TRPM8: variants seen among roughly 807,000 people sequenced by gnomAD.
TRPM8 encodes TRPM8 cationic channel.
In TRPM8, 110 loss-of-function variants were observed where a neutral mutation model predicts 133.7. The ratio of observed to expected loss-of-function variants is 0.82; its 90% CI spans 0.70 to 0.96. The LOEUF (loss-of-function observed/expected upper bound fraction) is 0.96, where lower values mean the gene tolerates loss of function less well. Among genes scored for constraint, TRPM8 ranks in the 40% least tolerant of loss-of-function variants. The probability of loss-of-function intolerance (pLI) is 0.00; values close to 1 mark genes in which losing one functional copy is unlikely to be tolerated. For missense variants in TRPM8, 1,291 were observed against 1,379.5 expected, an observed-to-expected ratio of 0.94 and a Z score of 1.02; for synonymous variants, 535 against 532.3, an observed-to-expected ratio of 1.01 and a Z score of -0.07.
At chr2:233,920,893 G>A (rs566757682) in intron 1 of TRPM8, among the ~76,000 whole-genome samples, 3 of 123,216 alleles carry the variant, frequency 2.4e-5, no homozygotes, top group Admixed American at 8.8e-5. Flanking sequence ...TTTAGTTCTT[G>A]TTGCCCAGGC....
intron 10 of TRPM8, among the ~76,000 whole-genome samples, chr2:233,954,344 C>T (rs1456461500): frequency 6.6e-6 from 1 of 152,206 alleles, no homozygotes; most frequent in African/African-American, 2.4e-5. Flanking sequence ...TATGGCAAAA[C>T]TATGGATCTT....
At chr2:234,001,394 C>T (rs149573772) in intron 22 of TRPM8, among the ~76,000 whole-genome samples, 5 of 152,192 alleles carry the variant, frequency 3.3e-5, no homozygotes, top group East Asian at 3.9e-4. Context: ...ATATTCCGGA[C>T]GGCCCCCAGA....
At position 233,964,680 on chromosome 2, in the gene TRPM8, T is replaced by C. The variant is rs199618852; in HGVS notation, c.1802T>C (p.Leu601Pro). 1 of 1,611,622 alleles carries C rather than the reference T, an allele frequency of 6.2e-7. No individual in the cohort carries two copies. The highest frequency in any genetic ancestry group is 8.5e-7 in the Non-Finnish European group (1 of 1,178,588). ...ALGASKLLKT[L>P]AKVKNDINAA... is the part of the protein sequence containing the mutation. ...GGAGCCAGCAAGCTTCTGAAGACTC[T>C]GGCCAAAGTGAAGAACGACATCAAT... The change falls in exon 14 of 26, where the codon CTG (leucine) becomes CCG (proline). Residue 601 changes from leucine (L) to proline (P), a missense_variant. By Grantham distance (98) the Leu-to-Pro change is moderately conservative (BLOSUM62 -3). This residue lies in a region of TRPM8 where 963 missense variants were observed against 968.9 expected (regional missense o/e 0.99). Coordinates refer to ENST00000324695, the MANE Select transcript of TRPM8 (RefSeq NM_024080.5).
intron 6 of TRPM8, among the ~76,000 whole-genome samples, chr2:233,944,564 A>G (rs1690997100): frequency 6.6e-6 from 1 of 152,230 alleles, no homozygotes; most frequent in Non-Finnish European, 1.5e-5. Context: ...TTGGAAATTA[A>G]GAAACAACCA....
At chr2:233,983,566 C>T (rs909850657) in intron 20 of TRPM8, among the ~76,000 whole-genome samples, 90 of 152,286 alleles carry the variant, frequency 5.9e-4, no homozygotes, top group African/African-American at 2.0e-3. Flanking sequence ...AGTGGCTGGG[C>T]TCCCATTTCT....
chr2:234,015,359 T>C (rs1692934159), intron 25 of TRPM8, among the ~76,000 whole-genome samples: 1 of 151,930 alleles, frequency 6.6e-6, no homozygotes, highest in South Asian at 2.1e-4. Context: ...GATTAGAATT[T>C]TTTTTTTTTT....
At chr2:233,982,563 A>G (rs1168686589) in intron 19 of TRPM8, among the ~76,000 whole-genome samples, 3 of 152,194 alleles carry the variant, frequency 2.0e-5, no homozygotes, top group Non-Finnish European at 4.4e-5. Flanking sequence ...TTTCTGGGAC[A>G]TCCAGTCATC....
intron 19 of TRPM8, among the ~76,000 whole-genome samples, chr2:233,982,680 T>C (rs890447335): frequency 1.3e-5 from 2 of 152,172 alleles, no homozygotes; most frequent in African/African-American, 2.4e-5. Flanking sequence ...ACCAACAAAC[T>C]ACAAAAATAA....
rs1553653795 is a variant in TRPM8 at position 233,927,860 on chromosome 2, C to CTTCCTTTCTT, written c.117+1207_117+1208insTCCTTTCTTT. ...CCTTCCTTCCTTCCTTCCTTTCTTTCTCTTTCTTTCTTTCTTTCTTTCTTT... is the reference window on the plus strand; with the variant it reads ...CCTTCCTTCCTTCCTTCCTTTCTTTCTTCCTTTCTTTCTTTCTTTCTTTCTTTCTTTCTTT... On this transcript the variant is annotated intron_variant, in intron 2 of 25. Coordinates refer to ENST00000324695, the MANE Select transcript of TRPM8 (RefSeq NM_024080.5). 2.1e-4 allele frequency among the ~76,000 whole-genome samples: 5 copies of CTTCCTTTCTT among 24,118 alleles called. 1 individual carries two copies. Among genetic ancestry groups the CTTCCTTTCTT allele is most frequent in the African/African-American group, 5.8e-4 (2 of 3,458 alleles). 15.8% of individuals were successfully genotyped at this position (24,118 alleles called of 152,430 possible).
chr2:233,950,121 A>G lies in TRPM8; in HGVS notation c.1115A>G (p.Glu372Gly). 6.2e-7 allele frequency: 1 copy of G among 1,613,004 alleles called. No homozygotes were observed. The highest frequency in any genetic ancestry group is 2.2e-5 in the East Asian group (1 of 44,876). Reference protein sequence around the residue: ...LPRTVSRLPEEETESWIKWLK... With the variant: ...LPRTVSRLPEGETESWIKWLK... ...CGCACGGTGTCCCGGCTGCCTGAGG[A>G]GGAGACTGAGAGTTGGATCAAATGG... Residue 372 changes from glutamate (E) to glycine (G), a missense_variant, in exon 9 of 26, where the codon GAG becomes GGG. Physicochemically the swap from Glu to Gly is moderately conservative, Grantham distance 98 (BLOSUM62 -2). Coordinates refer to ENST00000324695, the MANE Select transcript of TRPM8 (RefSeq NM_024080.5).
At position 233,942,562 on chromosome 2, in the gene TRPM8, C is replaced by T. The variant is rs759591343; in HGVS notation, c.527-14C>T. 1 of 1,614,072 alleles carries T rather than the reference C, an allele frequency of 6.2e-7. No individual in the cohort carries two copies. The highest frequency in any genetic ancestry group is 1.3e-5 in the African/African-American group (1 of 75,038). ...AGTGCCACTTGACCATTTACTCTTC[C>T]TATTTGTTGACAGGTGCTTGGATTC... is the stretch of plus-strand genomic sequence containing the variant. On this transcript the variant is annotated splice_polypyrimidine_tract_variant and intron_variant, in intron 5 of 25. Coordinates refer to ENST00000324695, the MANE Select transcript of TRPM8 (RefSeq NM_024080.5).
chr2:233,992,585 C>A (rs1327554823), intron 21 of TRPM8, among the ~76,000 whole-genome samples: 1 of 152,180 alleles, frequency 6.6e-6, no homozygotes. Context: ...CCTTCCTCCT[C>A]CTCTCCTGCT....
chr2:233,994,644 A>G (rs953440711), intron 21 of TRPM8, among the ~76,000 whole-genome samples: 1 of 152,244 alleles, frequency 6.6e-6, no homozygotes, highest in Non-Finnish European at 1.5e-5. Context: ...AAGCAAAGCC[A>G]ATAACCATTG....
rs936095734 is a variant in TRPM8, at chr2:233,938,878, C to T, written c.349-120C>T. On this transcript the variant is annotated intron_variant, in intron 4 of 25. Coordinates refer to ENST00000324695, the MANE Select transcript of TRPM8 (RefSeq NM_024080.5). ...CCCCAATGCCGCGATCCCTGCTGCCCCCACCCCGCCCCTCTTCTAGAAGCA... is the reference window on the plus strand; with the variant it reads ...CCCCAATGCCGCGATCCCTGCTGCCTCCACCCCGCCCCTCTTCTAGAAGCA... 10 of 1,154,026 alleles carry T rather than the reference C, an allele frequency of 8.7e-6. No individual in the cohort carries two copies. The African/African-American group carries it at 1.5e-4, about 18-fold the overall frequency. 71.5% of individuals were successfully genotyped at this position (1,154,026 alleles called of 1,614,324 possible). A position where few individuals can be genotyped will look rare whatever the true frequency, so the allele number is the denominator to read the frequency against.
At chr2:233,939,470 C>G (rs1248698339) in intron 5 of TRPM8, among the ~76,000 whole-genome samples, 1 of 152,170 alleles carries the variant, frequency 6.6e-6, no homozygotes. Flanking sequence ...AAGTTTTACC[C>G]AGAATTTCGG....
In TRPM8 at chr2:233,971,965, G is replaced by A. The variant is rs542795871; in HGVS notation, c.2355+1539G>A. ...GTTTTGACAGGGCGCTGATTGGTGC[G>A]TTTACAATCCCTGAGCTAGACACCA... On this transcript the variant is annotated intron_variant, in intron 17 of 25. Transcript: ENST00000324695. Among the ~76,000 whole-genome samples the A allele has an allele frequency of 3.9e-5, 6 of 152,210 alleles. No homozygotes were observed. In the East Asian group the frequency reaches 5.8e-4, roughly 15 times the overall value.
chr2:233,923,739 G>A (rs1691456232), intron 1 of TRPM8, among the ~76,000 whole-genome samples: 2 of 152,126 alleles, frequency 1.3e-5, no homozygotes, highest in Admixed American at 6.5e-5. Context: ...TGTCGTGCCT[G>A]GGGAAGCACC....
intron 23 of TRPM8, 122 bp from the exon 24 acceptor site, chr2:234,007,948 C>T: frequency 1.0e-6 from 1 of 986,768 alleles, no homozygotes; most frequent in Non-Finnish European, 1.6e-6. Context: ...CTTGATTTAG[C>T]TAAGAGTGAA....
intron 12 of TRPM8, among the ~76,000 whole-genome samples, chr2:233,961,533 T>C (rs1039300512): frequency 2.6e-5 from 4 of 151,828 alleles, no homozygotes; most frequent in Non-Finnish European, 5.9e-5. Flanking sequence ...CTCAAACTCC[T>C]CTCCGCGTGA....
Sources: gnomAD v4.1 joint callset for allele counts (sites outside exome capture counted in the v4.1 genomes callset) on GRCh38, gnomAD v4.1.1 for gene constraint, gnomAD v4.1.1 regional missense constraint, MANE v1.5 for transcripts, NCBI Gene and HGNC (gene_info 2026-07-23, HGNC 2026-07-21) for gene names.